The following ZNF740 variants were observed in gnomAD, a reference collection of about 807,000 sequenced individuals.
The protein encoded by ZNF740 is zinc finger protein 740.
A neutral mutation model predicts 24.8 loss-of-function variants in ZNF740; 14 were observed. The ratio of observed to expected loss-of-function variants is 0.56; its 90% CI spans 0.37 to 0.88. The LOEUF (loss-of-function observed/expected upper bound fraction) is 0.88. Among genes scored for constraint, ZNF740 ranks in the 40% least tolerant of loss-of-function variants. The pLI, the probability that ZNF740 is intolerant of heterozygous loss-of-function variation, is 0.00. For missense variants in ZNF740, 201 were observed against 247.9 expected, an observed-to-expected ratio of 0.81 and a Z score of 1.27; for synonymous variants, 69 against 84.0, an observed-to-expected ratio of 0.82 and a Z score of 0.98.
Position 53,186,020 on chromosome 12 carries a change from T to C in ZNF740, c.316T>C (p.Cys106Arg). ...TCCCAAAAATTTTGTTTGTGAACAC[T>C]GCTTTGGAGCCTTTCGGAGCAGTTA... The part of the protein sequence containing the change: ...KIPKNFVCEH[C>R]FGAFRSSYHL... Residue 106 changes from cysteine to arginine, a missense_variant, in exon 5 of 7, where the codon TGC becomes CGC. Transcript: ENST00000416904. 6.2e-7 allele frequency: 1 copy of C among 1,613,980 alleles called. No homozygotes were observed. The highest frequency in any genetic ancestry group is 8.5e-7 in the Non-Finnish European group (1 of 1,179,856).
In ZNF740 at chr12:53,191,024, G is replaced by C. The variant is rs117955764; in HGVS notation, c.*3434G>C. 107 of 174,830 alleles carry C rather than the reference G, an allele frequency of 6.1e-4. No homozygotes were observed. The East Asian group carries it at 0.015, about 24-fold the overall frequency. 10.8% of individuals were successfully genotyped at this position (174,830 alleles called of 1,614,324 possible). A position where few individuals can be genotyped will look rare whatever the true frequency, so the allele number is the denominator to read the frequency against. The stretch of plus-strand genomic sequence containing the variant: ...AAGTAGGAGCAAAAACAGGGCATCA[G>C]TTCTGAGCAAGACGAAAAAGCACAC... On this transcript the variant is annotated 3_prime_UTR_variant, in exon 7 of 7. Transcript: ENST00000416904.
In ZNF740 at chr12:53,191,674, A is replaced by C. The variant is rs778172126; in HGVS notation, c.*4084A>C. On this transcript the variant is annotated 3_prime_UTR_variant, in exon 7 of 7. Transcript: ENST00000416904. Reference sequence around the variant, plus strand: ...GTTGCAGATTATAAGCAAAAATCCCAGGATTCCTCGTCCCCTTTCTAGACC... The same window carrying C: ...GTTGCAGATTATAAGCAAAAATCCCCGGATTCCTCGTCCCCTTTCTAGACC... 1.0e-5 allele frequency: 16 copies of C among 1,586,424 alleles called. No homozygotes were observed.
Position 53,180,814 on chromosome 12 carries a change from C to G in ZNF740, c.-331C>G. ...GAGGAGGCGCCGCGCGGCCAGGGAG[C>G]CAGCGGGAGGCCGCGCCTGGCAGGT... On this transcript the variant is annotated 5_prime_UTR_variant, in exon 1 of 7. Coordinates refer to ENST00000416904, the MANE Select transcript of ZNF740 (RefSeq NM_001004304.4). The G allele has an allele frequency of 7.9e-7, 1 of 1,271,532 alleles. No homozygotes were observed. Among genetic ancestry groups the G allele is most frequent in the Non-Finnish European group, 1.0e-6 (1 of 981,958 alleles). The allele number at this position is 1,271,532 out of a possible 1,614,324, so 78.8% of individuals were successfully genotyped here.
At position 53,192,626 on chromosome 12, in the gene ZNF740, G is replaced by A. The variant is rs964481319; in HGVS notation, c.*5036G>A. 7 of 1,595,470 alleles carry A rather than the reference G, an allele frequency of 4.4e-6. No individual in the cohort carries two copies. The highest frequency in any genetic ancestry group is 6.0e-6 in the Non-Finnish European group (7 of 1,165,844). On this transcript the variant is annotated 3_prime_UTR_variant, in exon 7 of 7. Coordinates refer to ENST00000416904, the MANE Select transcript of ZNF740 (RefSeq NM_001004304.4). The stretch of plus-strand genomic sequence containing the variant: ...CTACAAGCAGGACGGAGAGTAGGCA[G>A]ATGGGAGTAGCTCAACAAGCCCCAC...
chr12:53,191,880 C>G lies in ZNF740; in HGVS notation c.*4290C>G. 6.2e-7 allele frequency: 1 copy of G among 1,613,436 alleles called. No individual in the cohort carries two copies. Among genetic ancestry groups the G allele is most frequent in the Non-Finnish European group, 8.5e-7 (1 of 1,180,006 alleles). On this transcript the variant is annotated 3_prime_UTR_variant, in exon 7 of 7. Transcript: ENST00000416904. ...TCACCTGCTTCCAGTTGAGTTGTTG[C>G]TGCTCCTTCTCAAAGCGACTGTATT...
At position 53,193,640 on chromosome 12, in the gene ZNF740, G is replaced by A. The variant is rs1055582017; in HGVS notation, c.*6050G>A. 5 of 1,358,252 alleles carry A rather than the reference G, an allele frequency of 3.7e-6. No homozygotes were observed. The Admixed American group carries it at 1.1e-4, about 30-fold the overall frequency. 84.1% of individuals were successfully genotyped at this position (1,358,252 alleles called of 1,614,324 possible). The stretch of plus-strand genomic sequence containing the variant: ...CCTGTGGGGGGGATGGAAAGCAGCG[G>A]AGGAATACGGGCCAGGGTTGGTTGG... On this transcript the variant is annotated 3_prime_UTR_variant, in exon 7 of 7. Transcript: ENST00000416904.
chr12:53,183,596 A>G (rs891545557), intron 2 of ZNF740, among the ~76,000 whole-genome samples: 5 of 152,202 alleles, frequency 3.3e-5, no homozygotes, highest in African/African-American at 1.2e-4. Flanking sequence ...ACCTTACTTA[A>G]GTAATTGTTT....
intron 1 of ZNF740, 174 bp from the exon 2 acceptor site, chr12:53,181,503 T>A (rs984659144): frequency 1.0e-6 from 1 of 985,190 alleles, no homozygotes; most frequent in African/African-American, 1.7e-5. Context: ...TGGCTTCCAC[T>A]CCTTGCCCAG....
Position 53,192,931 on chromosome 12 carries a change from G to T in ZNF740, c.*5341G>T. 6.2e-7 allele frequency: 1 copy of T among 1,608,890 alleles called. No homozygotes were observed. Among genetic ancestry groups the T allele is most frequent in the South Asian group, 1.1e-5 (1 of 90,862 alleles). ...AAAGCCTGGGGTAGAGCCATGCAGAGGGTGACAACCATACTCCACACACAC... is the reference window on the plus strand; with the variant it reads ...AAAGCCTGGGGTAGAGCCATGCAGATGGTGACAACCATACTCCACACACAC... On this transcript the variant is annotated 3_prime_UTR_variant, in exon 7 of 7. Transcript: ENST00000416904.
intron 2 of ZNF740, among the ~76,000 whole-genome samples, chr12:53,184,313 C>A (rs557361044): frequency 6.6e-6 from 1 of 151,996 alleles, no homozygotes; most frequent in African/African-American, 2.4e-5. Flanking sequence ...CTCAGCCTCC[C>A]GAGTAGCTGG....
Position 53,194,167 on chromosome 12 carries a change from C to G in ZNF740, c.*6577C>G, listed in dbSNP as rs756425113. ...ATTTCCCACTCCCACCTCCCCCTGC[C>G]CGCCTTCTGCCTGTGCTTGCTGGCT... is the stretch of plus-strand genomic sequence containing the variant. On this transcript the variant is annotated 3_prime_UTR_variant, in exon 7 of 7. Coordinates refer to ENST00000416904, the MANE Select transcript of ZNF740 (RefSeq NM_001004304.4). 1.2e-6 allele frequency: 2 copies of G among 1,613,174 alleles called. No individual in the cohort carries two copies. The highest frequency in any genetic ancestry group is 2.2e-5 in the East Asian group (1 of 44,848).
At chr12:53,186,329 C>T (rs1428083515) in intron 5 of ZNF740, 62 bp from the exon 6 acceptor site, 2 of 1,431,326 alleles carry the variant, frequency 1.4e-6, no homozygotes, top group African/African-American at 1.4e-5. Context: ...TCTGAGAAAA[C>T]TGGAATGAGG....
rs1942007379 is a variant in ZNF740 at position 53,192,809 on chromosome 12, C to A, written c.*5219C>A. On this transcript the variant is annotated 3_prime_UTR_variant, in exon 7 of 7. Coordinates refer to ENST00000416904, the MANE Select transcript of ZNF740 (RefSeq NM_001004304.4). ...CGTCCATGCCCACTGCAGAGCCCTC[C>A]CTCGGGACTGATGCAACTGTCCATG... 6.2e-7 allele frequency: 1 copy of A among 1,614,240 alleles called. No homozygotes were observed. Among genetic ancestry groups the A allele is most frequent in the Non-Finnish European group, 8.5e-7 (1 of 1,180,038 alleles).
intron 2 of ZNF740, among the ~76,000 whole-genome samples, chr12:53,184,176 GGTGTGTGTGT>G (rs143795685): frequency 3.9e-5 from 5 of 128,138 alleles, no homozygotes; most frequent in South Asian, 2.6e-4. Context: ...GAAGCTAAGG[GGTGTGTGTGT>G]GTGTGTGTGT....
rs1366259620 is a variant in ZNF740 at position 53,192,696 on chromosome 12, T to C, written c.*5106T>C. 6.2e-7 allele frequency: 1 copy of C among 1,613,138 alleles called. No homozygotes were observed. ...TGCAAGACCTGAGGCCTCACCGGTGTCTCTCGCATGGTGTCTTGCAGCCTG... is the reference window on the plus strand; with the variant it reads ...TGCAAGACCTGAGGCCTCACCGGTGCCTCTCGCATGGTGTCTTGCAGCCTG... On this transcript the variant is annotated 3_prime_UTR_variant, in exon 7 of 7. Transcript: ENST00000416904.
chr12:53,193,456 A>C lies in ZNF740; in HGVS notation c.*5866A>C. ...GGAACCTCTAAACCCAAGTTCTCAA[A>C]AGAGTTGGAGACAGACAAACAGCTG... On this transcript the variant is annotated 3_prime_UTR_variant, in exon 7 of 7. Coordinates refer to ENST00000416904, the MANE Select transcript of ZNF740 (RefSeq NM_001004304.4). 1 of 948,936 alleles carries C rather than the reference A, an allele frequency of 1.1e-6. No homozygotes were observed. Among genetic ancestry groups the C allele is most frequent in the Non-Finnish European group, 1.5e-6 (1 of 647,940 alleles). 58.8% of individuals were successfully genotyped at this position (948,936 alleles called of 1,614,324 possible).
In ZNF740 at chr12:53,181,177, C is replaced by T. The variant is rs999401383; in HGVS notation, c.-308+340C>T. On this transcript the variant is annotated intron_variant, in intron 1 of 6. Coordinates refer to ENST00000416904, the MANE Select transcript of ZNF740 (RefSeq NM_001004304.4). ...CCGGAGCGAGGCGGGCGACACGCCGCGCCGGGCTTCGCCTGCCTGTCCTCC... is the reference window on the plus strand; with the variant it reads ...CCGGAGCGAGGCGGGCGACACGCCGTGCCGGGCTTCGCCTGCCTGTCCTCC... 5.1e-6 allele frequency: 5 copies of T among 985,236 alleles called. No homozygotes were observed. In the Admixed American group the frequency reaches 3.1e-4, roughly 61 times the overall value. 61.0% of individuals were successfully genotyped at this position (985,236 alleles called of 1,614,324 possible). A position where few individuals can be genotyped will look rare whatever the true frequency, so the allele number is the denominator to read the frequency against.
chr12:53,184,140 TGTGTGTGTGTGC>T (rs766475709), intron 2 of ZNF740, among the ~76,000 whole-genome samples: 14,538 of 134,036 alleles, frequency 0.11, 907 homozygotes, highest in Middle Eastern at 0.17. Context: ...TGTGTGTGTG[TGTGTGTGTGTGC>T]GCGCGCGCGC....
chr12:53,181,396 C>T lies in ZNF740; in HGVS notation c.-307-281C>T, dbSNP rs1418153750. 3.0e-6 allele frequency: 3 copies of T among 985,428 alleles called. No individual in the cohort carries two copies. The Middle Eastern group carries it at 1.6e-3, about 515-fold the overall frequency. 61.0% of individuals were successfully genotyped at this position (985,428 alleles called of 1,614,324 possible). Reference sequence around the variant, plus strand: ...ACTGGGCACAAAAGCCCCAAAGGGTCTCCGCCCCCTTCTTCCATTCCTGAG... The same window carrying T: ...ACTGGGCACAAAAGCCCCAAAGGGTTTCCGCCCCCTTCTTCCATTCCTGAG... On this transcript the variant is annotated intron_variant, in intron 1 of 6. Transcript: ENST00000416904.
Sources: allele counts gnomAD v4.1 joint callset (sites outside exome capture counted in the v4.1 genomes callset), GRCh38; gene constraint gnomAD v4.1.1; transcripts MANE v1.5; gene names NCBI Gene and HGNC (gene_info 2026-07-23, HGNC 2026-07-21).